FBXW10: variants seen among roughly 807,000 people sequenced by gnomAD.
The protein encoded by FBXW10 is F-box and WD repeat domain containing 10.
Under a neutral mutation model 113.1 loss-of-function variants are expected in FBXW10, and 68 were observed. The ratio of observed to expected loss-of-function variants is 0.60; its 90% CI spans 0.49 to 0.74. FBXW10 has a LOEUF of 0.74. FBXW10 is among the 30% of genes least tolerant of loss of function. The pLI is 0.00. For missense variants in FBXW10, 753 were observed against 1,284.5 expected (o/e 0.59, Z 6.32); for synonymous variants, 289 against 481.6 (o/e 0.60, Z 5.24).
At chr17:18,764,136 C>T (rs1367895153) in intron 7 of FBXW10, among the ~76,000 whole-genome samples, 1 of 146,046 alleles carries the variant, frequency 6.8e-6, no homozygotes, top group Non-Finnish European at 1.5e-5. Flanking sequence ...AGAAGTTACC[C>T]AAGATTGACA....
chr17:18,774,306 G>GT (rs2035665815), intron 12 of FBXW10, among the ~76,000 whole-genome samples: 1 of 152,260 alleles, frequency 6.6e-6, no homozygotes, highest in South Asian at 2.1e-4. Flanking sequence ...ATGTGACTCA[G>GT]TTTCCAGGGT....
chr17:18,760,779 CA>C (rs71155352), intron 7 of FBXW10, among the ~76,000 whole-genome samples: 12,354 of 135,490 alleles, frequency 0.091, 428 homozygotes, highest in Non-Finnish European at 0.13. Context: ...AACTCGGTCT[CA>C]AAAAAAAAAA....
chr17:18,761,763 T>G (rs1276887570), intron 7 of FBXW10, among the ~76,000 whole-genome samples: 1 of 152,210 alleles, frequency 6.6e-6, no homozygotes, highest in African/African-American at 2.4e-5. Context: ...GTCCTGTGTA[T>G]TTTTACTTAA....
intron 7 of FBXW10, among the ~76,000 whole-genome samples, chr17:18,762,906 C>A (rs1050262653): frequency 1.3e-5 from 2 of 148,578 alleles, no homozygotes; most frequent in Admixed American, 6.8e-5. Flanking sequence ...ATTTAAAAAA[C>A]CAACCTGAAG....
At chr17:18,746,919 CTT>C (rs1166761219) in intron 1 of FBXW10, among the ~76,000 whole-genome samples, 141 of 129,130 alleles carry the variant, frequency 1.1e-3, no homozygotes, top group African/African-American at 3.7e-3. Flanking sequence ...TGGCAACCTT[CTT>C]TTTTTTTTTT....
rs1312082883 is a variant in FBXW10, at chr17:18,766,854, T to A, written c.1696T>A (p.Leu566Met). The A allele has an allele frequency of 6.3e-7, 1 of 1,596,088 alleles. No homozygotes were observed. Among genetic ancestry groups the A allele is most frequent in the Admixed American group, 1.7e-5 (1 of 59,192 alleles). The change falls in exon 9 of 14, where the codon TTG becomes ATG. Residue 566 changes from leucine to methionine, a missense_variant. Physicochemically the swap from Leu to Met is conservative, Grantham distance 15. Coordinates refer to ENST00000395665, the MANE Select transcript of FBXW10 (RefSeq NM_001267585.2). ...VKVWHIAMAQLVKTLSGHEGA... is the reference protein window; with the variant it reads ...VKVWHIAMAQMVKTLSGHEGA... The stretch of plus-strand genomic sequence containing the variant: ...AGTGTGGCACATTGCCATGGCCCAG[T>A]TGGTAAAGGTAAGTGGGCAGTGGGC...
At chr17:18,744,890 C>T in intron 1 of FBXW10, 141 bp downstream of exon 1, 4 of 1,481,094 alleles carry the variant, frequency 2.7e-6, no homozygotes, top group South Asian at 2.8e-5. Flanking sequence ...TTTGAACTGA[C>T]ACCTTGTCCT....
At chr17:18,774,352 G>C (rs2035666517) in intron 12 of FBXW10, among the ~76,000 whole-genome samples, 1 of 152,200 alleles carries the variant, frequency 6.6e-6, no homozygotes, top group African/African-American at 2.4e-5. Flanking sequence ...AGTTTAGAAG[G>C]TTGTTACACT....
chr17:18,770,812 G>C (rs951994705), intron 11 of FBXW10, among the ~76,000 whole-genome samples: 19 of 152,120 alleles, frequency 1.2e-4, no homozygotes, highest in Non-Finnish European at 1.9e-4. Context: ...GCAGCAGCAG[G>C]GGGTACAGTG....
intron 1 of FBXW10, 45 bp from the exon 2 acceptor site, chr17:18,747,896 A>C: frequency 6.2e-7 from 1 of 1,613,674 alleles, no homozygotes; most frequent in Non-Finnish European, 8.5e-7. Context: ...TTTCCTCAAC[A>C]CACCCGCTTC....
chr17:18,772,128 A>T (rs2035626092), intron 11 of FBXW10, among the ~76,000 whole-genome samples: 2 of 152,198 alleles, frequency 1.3e-5, no homozygotes, highest in African/African-American at 4.8e-5. Flanking sequence ...ATAAAAATAA[A>T]AAATAAAAAA....
At chr17:18,762,018 A>G (rs1194614908) in intron 7 of FBXW10, among the ~76,000 whole-genome samples, 55 of 150,926 alleles carry the variant, frequency 3.6e-4, no homozygotes, top group African/African-American at 1.3e-3. Context: ...GCTAGAGTGC[A>G]GTAGTGCGAT....
At chr17:18,749,387 AAT>A (rs2035109567) in intron 2 of FBXW10, among the ~76,000 whole-genome samples, 2 of 135,680 alleles carry the variant, frequency 1.5e-5, no homozygotes, top group African/African-American at 2.8e-5. Context: ...AAAAAAAAAA[AAT>A]ACAAAAAATT....
chr17:18,746,108 C>A (rs2035034025), intron 1 of FBXW10, among the ~76,000 whole-genome samples: 1 of 152,052 alleles, frequency 6.6e-6, no homozygotes, highest in Admixed American at 6.6e-5. Context: ...TTTTAAACAG[C>A]CAGCTCTTGC....
intron 8 of FBXW10, 113 bp from the exon 9 acceptor site, chr17:18,766,601 G>C: frequency 1.5e-6 from 2 of 1,370,818 alleles, no homozygotes; most frequent in Non-Finnish European, 2.0e-6. Flanking sequence ...AATCTGACTT[G>C]ATGGGCTTGA....
chr17:18,751,752 G>A (rs1243728910), intron 5 of FBXW10, among the ~76,000 whole-genome samples: 1 of 152,220 alleles, frequency 6.6e-6, no homozygotes, highest in East Asian at 1.9e-4. Flanking sequence ...GAGGACCCGA[G>A]GGGAGGGCCA....
intron 7 of FBXW10, among the ~76,000 whole-genome samples, chr17:18,761,975 T>C (rs1037627150): frequency 1.3e-5 from 2 of 152,028 alleles, no homozygotes; most frequent in Non-Finnish European, 2.9e-5. Context: ...TTTTCTTTTT[T>C]TTTTTGAGAC....
intron 2 of FBXW10, among the ~76,000 whole-genome samples, chr17:18,749,098 TC>T (rs758019233): frequency 2.6e-5 from 4 of 152,016 alleles, no homozygotes; most frequent in Non-Finnish European, 5.9e-5. Context: ...TCCATTCATT[TC>T]CCCCCCTTTC....
intron 11 of FBXW10, among the ~76,000 whole-genome samples, chr17:18,771,417 AG>A (rs2035611287): frequency 6.6e-6 from 1 of 152,176 alleles, no homozygotes; most frequent in Non-Finnish European, 1.5e-5. Flanking sequence ...CTGGTGGGTT[AG>A]GGAGGCAGTG....
Sources: allele counts gnomAD v4.1 joint callset (sites outside exome capture counted in the v4.1 genomes callset), GRCh38; gene constraint gnomAD v4.1.1; transcripts MANE v1.5; gene names NCBI Gene and HGNC (gene_info 2026-07-23, HGNC 2026-07-21).